Variants in MLXIP observed in about 807,000 individuals in gnomAD.
MLXIP encodes MLX-interacting protein.
In MLXIP, 30 loss-of-function variants were observed where a neutral mutation model predicts 87.2. That is an observed-to-expected ratio of 0.34 (90% confidence interval 0.26 to 0.47). The LOEUF (loss-of-function observed/expected upper bound fraction) is 0.47. Among genes scored for constraint, MLXIP ranks in the 20% least tolerant of loss-of-function variants. MLXIP has a pLI of 1.00. For synonymous variants in MLXIP, 530 were observed against 514.0 expected (o/e 1.03, Z -0.42); for missense variants, 1,002 against 1,240.1 (o/e 0.81, Z 2.88).
intron 1 of MLXIP, among the ~76,000 whole-genome samples, chr12:122,123,970 C>T (rs1185551788): frequency 6.6e-6 from 1 of 152,192 alleles, no homozygotes; most frequent in Non-Finnish European, 1.5e-5. Context: ...AGCTGGCTTT[C>T]CCTATCCACT....
intron 1 of MLXIP, among the ~76,000 whole-genome samples, chr12:122,113,593 A>T (rs570106370): frequency 6.6e-6 from 1 of 151,346 alleles, no homozygotes; most frequent in African/African-American, 2.4e-5. Context: ...ATCTTTATTT[A>T]TATACATACA....
At chr12:122,086,707 A>C (rs1952172679) in intron 1 of MLXIP, among the ~76,000 whole-genome samples, 1 of 151,970 alleles carries the variant, frequency 6.6e-6, no homozygotes, top group South Asian at 2.1e-4. Flanking sequence ...TGGATCAGGG[A>C]CCCTCGTGCT....
intron 1 of MLXIP, among the ~76,000 whole-genome samples, chr12:122,125,067 G>A (rs1952859106): frequency 3.9e-5 from 6 of 152,244 alleles, no homozygotes; most frequent in Admixed American, 3.9e-4. Flanking sequence ...ACAGGAGGCT[G>A]AGGCAGGAGA....
chr12:122,129,959 T>C lies in MLXIP; in HGVS notation c.757T>C (p.Trp253Arg), dbSNP rs367769149. Residue 253 changes from tryptophan (W) to arginine (R), a missense_variant, in exon 6 of 17, where the codon TGG becomes CGG. Transcript: ENST00000319080. ...GTGTTAGGACGATGACATGCTGTAT[T>C]GGCACAAGCACGGGGATGGATGGAA... ...SLVQDDDMLY[W>R]HKHGDGWKTP... 1.5e-5 allele frequency: 25 copies of C among 1,613,554 alleles called. No individual in the cohort carries two copies. The African/African-American group carries it at 3.3e-4, about 22-fold the overall frequency.
At chr12:122,085,361 G>C (rs1952152426) in intron 1 of MLXIP, among the ~76,000 whole-genome samples, 1 of 152,106 alleles carries the variant, frequency 6.6e-6, no homozygotes, top group East Asian at 1.9e-4. Flanking sequence ...TGGATTGAAA[G>C]GGACACTCAG....
chr12:122,141,520 G>T (rs1593123285), intron 16 of MLXIP, 171 bp from the exon 17 acceptor site: 1 of 655,026 alleles, frequency 1.5e-6, no homozygotes, highest in Non-Finnish European at 1.9e-6. Context: ...AGGCAGAGGG[G>T]TGAGTGCCCA....
chr12:122,096,021 C>A (rs1260639551), intron 1 of MLXIP, among the ~76,000 whole-genome samples: 1 of 151,996 alleles, frequency 6.6e-6, no homozygotes, highest in South Asian at 2.1e-4. Context: ...TGGGCCACCA[C>A]GTATTTTTTC....
At chr12:122,089,138 C>T (rs898205559) in intron 1 of MLXIP, among the ~76,000 whole-genome samples, 3 of 151,996 alleles carry the variant, frequency 2.0e-5, no homozygotes, top group Non-Finnish European at 4.4e-5. Context: ...TATAATCATA[C>T]CACTGCACTC....
At chr12:122,084,145 T>A (rs1222715084) in intron 1 of MLXIP, among the ~76,000 whole-genome samples, 5 of 2,834 alleles carry the variant, frequency 1.8e-3, no homozygotes, top group African/African-American at 2.5e-3. Context: ...TCAGCCAGAT[T>A]GTGTGTGTGT....
chr12:122,121,015 T>TTTTTTTC (rs1415834186), intron 1 of MLXIP, among the ~76,000 whole-genome samples: 1 of 93,496 alleles, frequency 1.1e-5, no homozygotes, highest in Admixed American at 1.1e-4. Context: ...GCTTGGTTTT[T>TTTTTTTC]TTTTTTTTTT....
chr12:122,107,734 T>C (rs1307389133), intron 1 of MLXIP, among the ~76,000 whole-genome samples: 1 of 152,068 alleles, frequency 6.6e-6, no homozygotes, highest in African/African-American at 2.4e-5. Flanking sequence ...CTCTCCCGGC[T>C]CTCCTGTGGC....
At position 122,138,865 on chromosome 12, in the gene MLXIP, A is replaced by G; in HGVS notation, c.2435A>G (p.Gln812Arg). 1 of 1,614,010 alleles carries G rather than the reference A, an allele frequency of 6.2e-7. No homozygotes were observed. Among genetic ancestry groups the G allele is most frequent in the Non-Finnish European group, 8.5e-7 (1 of 1,179,890 alleles). Residue 812 changes from glutamine to arginine, a missense_variant, in exon 15 of 17, where the codon CAG becomes CGG. Gln to Arg is a conservative substitution (Grantham distance 43). Coordinates refer to ENST00000319080, the MANE Select transcript of MLXIP (RefSeq NM_014938.6). ...PATGVPVTRR[Q>R]FDHMKDMFDE... ...ACGGGAGTCCCCGTTACCCGGCGCC[A>G]GTTTGATCACATGAAAGACATGTTT...
chr12:122,139,638 C>T (rs1449935221), intron 15 of MLXIP, among the ~76,000 whole-genome samples: 1 of 152,188 alleles, frequency 6.6e-6, no homozygotes, highest in Non-Finnish European at 1.5e-5. Context: ...GGGCGCAGCA[C>T]CTGTGTGTGC....
At position 122,142,394 on chromosome 12, in the gene MLXIP, C is replaced by T. The variant is rs901306098; in HGVS notation, c.*582C>T. 9 of 501,478 alleles carry T rather than the reference C, an allele frequency of 1.8e-5. No homozygotes were observed. The highest frequency in any genetic ancestry group is 1.7e-4 in the African/African-American group (9 of 52,214). 31.1% of individuals were successfully genotyped at this position (501,478 alleles called of 1,614,324 possible). A position where few individuals can be genotyped will look rare whatever the true frequency, so the allele number is the denominator to read the frequency against. ...CATGGCAGGCTGCCAGGGGGAAGTG[C>T]CTTCTTCAGAGGTCCTCCAGGACAC... On this transcript the variant is annotated 3_prime_UTR_variant, in exon 17 of 17. Coordinates refer to ENST00000319080, the MANE Select transcript of MLXIP (RefSeq NM_014938.6).
intron 1 of MLXIP, among the ~76,000 whole-genome samples, chr12:122,117,120 C>T (rs1393508251): frequency 1.3e-5 from 2 of 152,238 alleles, no homozygotes; most frequent in African/African-American, 4.8e-5. Flanking sequence ...GGGCGGAGCA[C>T]CTGCAGGCAC....
intron 2 of MLXIP, 32 bp from the exon 3 acceptor site, chr12:122,127,851 A>T: frequency 6.3e-7 from 1 of 1,597,940 alleles, no homozygotes; most frequent in Non-Finnish European, 8.6e-7. Flanking sequence ...GGTCTGGATC[A>T]TGGTGCTGAC....
At chr12:122,085,046 A>T (rs1382341504) in intron 1 of MLXIP, among the ~76,000 whole-genome samples, 3 of 152,158 alleles carry the variant, frequency 2.0e-5, no homozygotes, top group Non-Finnish European at 4.4e-5. Context: ...TTATCTGCCC[A>T]CAAAAGCCCG....
chr12:122,094,138 G>GGT (rs1381129910), intron 1 of MLXIP, among the ~76,000 whole-genome samples: 2 of 139,286 alleles, frequency 1.4e-5, no homozygotes, highest in Non-Finnish European at 3.2e-5. Context: ...ATGTGTGTGG[G>GGT]GTGTGTGGGA....
chr12:122,116,053 A>AACACACACACACACACACACACAC lies in MLXIP; in HGVS notation c.414-11191_414-11168dup, dbSNP rs138548664. On this transcript the variant is annotated intron_variant, in intron 1 of 16. Coordinates refer to ENST00000319080, the MANE Select transcript of MLXIP (RefSeq NM_014938.6). ...GTGACAGAGCGAGACTCCATCTGAAAACACACACACACACACACACACACA... is the reference window on the plus strand; with the variant it reads ...GTGACAGAGCGAGACTCCATCTGAAAACACACACACACACACACACACACACACACACACACACACACACACACA... Among the ~76,000 whole-genome samples the AACACACACACACACACACACACAC allele has an allele frequency of 1.3e-3, 188 of 147,322 alleles. 2 individuals carry two copies. The highest frequency in any genetic ancestry group is 4.5e-3 in the African/African-American group (179 of 39,442).
Sources: gnomAD v4.1 joint callset for allele counts (sites outside exome capture counted in the v4.1 genomes callset) on GRCh38, gnomAD v4.1.1 for gene constraint, MANE v1.5 for transcripts, NCBI Gene and HGNC (gene_info 2026-07-23, HGNC 2026-07-21) for gene names.